The following MATN2 variants were observed in gnomAD, a reference collection of about 807,000 sequenced individuals.
MATN2 encodes the protein matrilin-2.
MATN2 carries 69 observed loss-of-function variants against 103.2 expected under a neutral mutation model. The observed-to-expected ratio is 0.67, with a 90% CI of 0.55 to 0.82. MATN2 has a LOEUF of 0.82. MATN2 is among the 40% of genes least tolerant of loss of function. MATN2 has a pLI of 0.00. For synonymous variants in MATN2, 429 were observed against 450.2 expected (o/e 0.95, Z 0.60); for missense variants, 1,023 against 1,211.5 (o/e 0.84, Z 2.31).
At chr8:97,972,878 T>G (rs1438043685) in intron 5 of MATN2, among the ~76,000 whole-genome samples, 2 of 152,244 alleles carry the variant, frequency 1.3e-5, no homozygotes, top group Non-Finnish European at 2.9e-5. Context: ...CATAAATGAC[T>G]GAGAACAGAT....
chr8:97,965,958 T>C (rs528049865), intron 5 of MATN2, among the ~76,000 whole-genome samples: 13 of 152,176 alleles, frequency 8.5e-5, no homozygotes, highest in African/African-American at 3.1e-4. Flanking sequence ...CACTCCAGCC[T>C]GGGCAACAAG....
In MATN2 at chr8:97,946,915, GA is replaced by G. The variant is rs1431804702; in HGVS notation, c.835+5017del. ...AGAAAAACCACTGAATTATTAGAGAGAGATAACTATAACCAACATTCTTTGT... is the reference window on the plus strand; with the variant it reads ...AGAAAAACCACTGAATTATTAGAGAGGATAACTATAACCAACATTCTTTGT... On this transcript the variant is annotated intron_variant, in intron 4 of 18. Coordinates refer to ENST00000254898, the MANE Select transcript of MATN2 (RefSeq NM_002380.5). 2.6e-4 allele frequency among the ~76,000 whole-genome samples: 39 copies of G among 152,236 alleles called. 1 individual carries two copies. Among genetic ancestry groups the G allele is most frequent in the Admixed American group, 2.3e-3 (35 of 15,302 alleles).
intron 1 of MATN2, among the ~76,000 whole-genome samples, chr8:97,874,831 C>A (rs993378267): frequency 1.3e-5 from 2 of 152,002 alleles, no homozygotes; most frequent in African/African-American, 4.8e-5. Context: ...GATTCTCCTG[C>A]CTCAGCCTCC....
chr8:97,902,270 C>CAGAT (rs1394015823), intron 2 of MATN2, among the ~76,000 whole-genome samples: 1 of 150,808 alleles, frequency 6.6e-6, no homozygotes, highest in East Asian at 2.0e-4. Flanking sequence ...CCGTGGTGGG[C>CAGAT]AGATCACTTG....
chr8:97,933,987 C>G (rs1810291725), intron 3 of MATN2, among the ~76,000 whole-genome samples: 1 of 152,192 alleles, frequency 6.6e-6, no homozygotes, highest in Admixed American at 6.5e-5. Flanking sequence ...AAGGAACTTG[C>G]TAAGTGAATC....
chr8:97,903,880 C>T (rs908959403), intron 2 of MATN2, among the ~76,000 whole-genome samples: 2 of 152,154 alleles, frequency 1.3e-5, no homozygotes, highest in Non-Finnish European at 2.9e-5. Context: ...AAATGTTTTC[C>T]CTTCATGTAG....
intron 2 of MATN2, among the ~76,000 whole-genome samples, chr8:97,917,641 C>T (rs1379374474): frequency 6.6e-6 from 1 of 152,338 alleles, no homozygotes; most frequent in Non-Finnish European, 1.5e-5. Flanking sequence ...CTTCTGCAAC[C>T]AGGCATTCAA....
At chr8:97,923,804 G>A (rs542816646) in intron 2 of MATN2, among the ~76,000 whole-genome samples, 42 of 152,220 alleles carry the variant, frequency 2.8e-4, no homozygotes, top group African/African-American at 8.7e-4. Context: ...TGATCCAACC[G>A]CCTTGGCCTC....
rs74785301 is a variant in MATN2, at chr8:97,947,738, A to G, written c.835+5839A>G. On this transcript the variant is annotated intron_variant, in intron 4 of 18. Coordinates refer to ENST00000254898, the MANE Select transcript of MATN2 (RefSeq NM_002380.5). ...TCCCCTTCAAAATCCTAGCAGACCT[A>G]TTTTTTTAGAAATCGACAACTGATT... Among the ~76,000 whole-genome samples, 624 of 152,298 alleles carry G rather than the reference A, an allele frequency of 4.1e-3. 4 individuals carry two copies. The highest frequency in any genetic ancestry group is 7.0e-3 in the Non-Finnish European group (473 of 68,016).
At chr8:97,995,100 T>C (rs576568289) in intron 7 of MATN2, among the ~76,000 whole-genome samples, 2 of 152,320 alleles carry the variant, frequency 1.3e-5, no homozygotes, top group African/African-American at 4.8e-5. Context: ...CGGGTTGATA[T>C]TGTGGATGTA....
intron 1 of MATN2, among the ~76,000 whole-genome samples, chr8:97,878,100 AT>A (rs1256257278): frequency 3.9e-5 from 6 of 152,266 alleles, no homozygotes; most frequent in African/African-American, 1.4e-4. Context: ...CATTTATAAA[AT>A]GAAAAAAGCA....
chr8:97,876,241 G>A (rs111460839), intron 1 of MATN2, among the ~76,000 whole-genome samples: 2,950 of 147,664 alleles, frequency 0.02, 52 homozygotes, highest in Middle Eastern at 0.059. Context: ...CCAGGCTGGA[G>A]TGCAATGGCG....
At chr8:97,905,148 T>A (rs1181491375) in intron 2 of MATN2, among the ~76,000 whole-genome samples, 6 of 152,232 alleles carry the variant, frequency 3.9e-5, no homozygotes, top group South Asian at 2.1e-4. Flanking sequence ...ACCAAATTTT[T>A]AAAAATATTT....
intron 4 of MATN2, among the ~76,000 whole-genome samples, chr8:97,953,703 T>C (rs1206205794): frequency 2.0e-5 from 3 of 150,668 alleles, no homozygotes; most frequent in Non-Finnish European, 4.4e-5. Flanking sequence ...GGCATGAGAA[T>C]CGCTTGAACC....
At chr8:97,986,240 G>A (rs574374522) in intron 6 of MATN2, among the ~76,000 whole-genome samples, 8 of 152,124 alleles carry the variant, frequency 5.3e-5, no homozygotes, top group East Asian at 1.9e-4. Context: ...ACGTTTTACC[G>A]ATTTATACTC....
chr8:98,021,448 C>T, intron 13 of MATN2, 121 bp downstream of exon 13: 1 of 1,098,936 alleles, frequency 9.1e-7, no homozygotes, highest in East Asian at 2.5e-5. Flanking sequence ...TGCATATGCA[C>T]AAATACAGAA....
chr8:97,999,850 C>T (rs1377982880), intron 7 of MATN2, among the ~76,000 whole-genome samples: 2 of 147,606 alleles, frequency 1.4e-5, no homozygotes, highest in African/African-American at 2.5e-5. Context: ...TGGGAGGGCA[C>T]GTCACGGATT....
intron 1 of MATN2, among the ~76,000 whole-genome samples, chr8:97,875,488 T>C (rs1818037540): frequency 6.6e-6 from 1 of 152,116 alleles, no homozygotes; most frequent in South Asian, 2.1e-4. Context: ...AATGGAGTTT[T>C]ACAAGTGAGC....
intron 4 of MATN2, among the ~76,000 whole-genome samples, chr8:97,951,475 A>T (rs1810950170): frequency 6.6e-6 from 1 of 152,114 alleles, no homozygotes; most frequent in Non-Finnish European, 1.5e-5. Flanking sequence ...CTTTGCCCGG[A>T]ACTTACTAGA....
Sources: allele counts gnomAD v4.1 joint callset (sites outside exome capture counted in the v4.1 genomes callset), GRCh38; gene constraint gnomAD v4.1.1; transcripts MANE v1.5; gene names NCBI Gene and HGNC (gene_info 2026-07-23, HGNC 2026-07-21).